Variants in LRRTM4 observed in about 807,000 individuals in gnomAD.
The protein encoded by LRRTM4 is leucine rich repeat transmembrane neuronal 4.
LRRTM4 carries 25 observed loss-of-function variants against 47.6 expected under a neutral mutation model. The observed-to-expected ratio is 0.53, with a 90% CI of 0.38 to 0.73. The LOEUF (loss-of-function observed/expected upper bound fraction) is 0.73. LRRTM4 is among the 30% of genes least tolerant of loss of function. The pLI is 0.00. For missense variants in LRRTM4, 638 were observed against 713.4 expected, an observed-to-expected ratio of 0.89 and a Z score of 1.20; for synonymous variants, 311 against 269.5, an observed-to-expected ratio of 1.15 and a Z score of -1.51.
intron 3 of LRRTM4, among the ~76,000 whole-genome samples, chr2:77,016,551 A>G (rs1573455236): frequency 6.6e-6 from 1 of 152,110 alleles, no homozygotes; most frequent in East Asian, 1.9e-4. Context: ...GCCTTATATC[A>G]GCTCAAAAGC....
At chr2:76,832,707 G>T (rs1671389243) in intron 3 of LRRTM4, among the ~76,000 whole-genome samples, 1 of 151,814 alleles carries the variant, frequency 6.6e-6, no homozygotes, top group African/African-American at 2.4e-5. Flanking sequence ...ATAGCTTGTG[G>T]GTCAAGGTAG....
intron 3 of LRRTM4, among the ~76,000 whole-genome samples, chr2:77,095,991 T>C (rs923767406): frequency 1.3e-5 from 2 of 152,158 alleles, no homozygotes; most frequent in African/African-American, 2.4e-5. Flanking sequence ...ATGTATTCTA[T>C]ACTTCAAAAT....
At chr2:77,202,561 C>G (rs1573071493) in intron 3 of LRRTM4, among the ~76,000 whole-genome samples, 1 of 148,476 alleles carries the variant, frequency 6.7e-6, no homozygotes, top group Admixed American at 6.7e-5. Context: ...TTTTTTTTTT[C>G]CAGAAAGTCG....
intron 3 of LRRTM4, among the ~76,000 whole-genome samples, chr2:77,035,284 C>A (rs953920494): frequency 2.0e-5 from 3 of 148,724 alleles, no homozygotes; most frequent in African/African-American, 7.4e-5. Flanking sequence ...AACAAACAAA[C>A]AAAAAACCAG....
chr2:77,126,355 T>A (rs1363675949), intron 3 of LRRTM4, among the ~76,000 whole-genome samples: 1 of 152,094 alleles, frequency 6.6e-6, no homozygotes, highest in Non-Finnish European at 1.5e-5. Context: ...TATACAGGAA[T>A]TTCATGTTGA....
chr2:77,139,121 T>A (rs1321135245), intron 3 of LRRTM4, among the ~76,000 whole-genome samples: 1 of 152,118 alleles, frequency 6.6e-6, no homozygotes, highest in East Asian at 1.9e-4. Context: ...TAACACATTT[T>A]ATGAGGCCAG....
At chr2:77,518,279 C>A in intron 3 of LRRTM4, 39 bp downstream of exon 3, 2 of 1,522,000 alleles carry the variant, frequency 1.3e-6, no homozygotes, top group East Asian at 2.3e-5. Context: ...CTCTCCTTCC[C>A]CGCAGTAGAA....
chr2:76,910,674 G>C (rs13034217), intron 3 of LRRTM4, among the ~76,000 whole-genome samples: 1 of 152,124 alleles, frequency 6.6e-6, no homozygotes, highest in Non-Finnish European at 1.5e-5. Flanking sequence ...GCTTTGAAGA[G>C]TTATTACAAT....
At chr2:77,078,689 G>A (rs902523308) in intron 3 of LRRTM4, among the ~76,000 whole-genome samples, 3 of 152,084 alleles carry the variant, frequency 2.0e-5, no homozygotes, top group Admixed American at 6.6e-5. Flanking sequence ...TTAGTACAGT[G>A]ACAAACCTTG....
intron 3 of LRRTM4, among the ~76,000 whole-genome samples, chr2:77,234,664 T>A (rs1001404839): frequency 2.6e-5 from 4 of 152,186 alleles, no homozygotes; most frequent in African/African-American, 7.2e-5. Context: ...GCAGATTTTT[T>A]AAAATTGCCC....
At chr2:77,501,018 C>A (rs901872561) in intron 3 of LRRTM4, among the ~76,000 whole-genome samples, 1 of 150,886 alleles carries the variant, frequency 6.6e-6, no homozygotes, top group Admixed American at 6.6e-5. Flanking sequence ...GAAAACAGAA[C>A]AGAGAGTTAA....
intron 3 of LRRTM4, among the ~76,000 whole-genome samples, chr2:77,265,598 G>A (rs1676029385): frequency 6.6e-6 from 1 of 152,056 alleles, no homozygotes; most frequent in East Asian, 1.9e-4. Flanking sequence ...CTGTGGCATT[G>A]TGTTATAACA....
At chr2:76,771,034 T>C (rs72917801) in intron 3 of LRRTM4, among the ~76,000 whole-genome samples, 1,661 of 152,304 alleles carry the variant, frequency 0.011, 40 homozygotes, top group African/African-American at 0.037. Context: ...CTTACAGTTG[T>C]AGATGTCTGT....
chr2:77,306,658 T>G (rs939695974), intron 3 of LRRTM4, among the ~76,000 whole-genome samples: 1 of 152,084 alleles, frequency 6.6e-6, no homozygotes, highest in Non-Finnish European at 1.5e-5. Flanking sequence ...CCTTTCCAAG[T>G]TGGGATGTGA....
intron 3 of LRRTM4, among the ~76,000 whole-genome samples, chr2:77,224,449 G>A (rs1264506365): frequency 6.6e-6 from 1 of 152,072 alleles, no homozygotes; most frequent in African/African-American, 2.4e-5. Context: ...GAAAATTTTT[G>A]CAACCTACTC....
intron 3 of LRRTM4, among the ~76,000 whole-genome samples, chr2:76,990,968 C>A (rs190207144): frequency 2.0e-5 from 3 of 151,440 alleles, no homozygotes; most frequent in East Asian, 3.9e-4. Flanking sequence ...CAAAGTGAAA[C>A]AAAACAGAAA....
At chr2:77,215,301 G>A (rs1674405244) in intron 3 of LRRTM4, among the ~76,000 whole-genome samples, 1 of 152,168 alleles carries the variant, frequency 6.6e-6, no homozygotes, top group Admixed American at 6.5e-5. Flanking sequence ...GTAAAAGCAA[G>A]TCACACTTAA....
At chr2:77,385,337 C>T (rs564779379) in intron 3 of LRRTM4, among the ~76,000 whole-genome samples, 1 of 152,108 alleles carries the variant, frequency 6.6e-6, no homozygotes, top group Non-Finnish European at 1.5e-5. Context: ...CTAACAACTA[C>T]ATTAACAATA....
At chr2:77,453,830 C>T (rs572035716) in intron 3 of LRRTM4, among the ~76,000 whole-genome samples, 63 of 152,018 alleles carry the variant, frequency 4.1e-4, no homozygotes, top group Admixed American at 2.0e-4. Context: ...TTAATTTATA[C>T]TTTCATAATA....
Sources: allele counts gnomAD v4.1 joint callset (sites outside exome capture counted in the v4.1 genomes callset), GRCh38; gene constraint gnomAD v4.1.1; transcripts MANE v1.5; gene names NCBI Gene and HGNC (gene_info 2026-07-23, HGNC 2026-07-21).